NLGN4X: variants seen among roughly 807,000 people sequenced by gnomAD.
NLGN4X encodes the protein neuroligin-4, X-linked.
In NLGN4X, 3 loss-of-function variants were observed where a neutral mutation model predicts 40.3. That is an observed-to-expected ratio of 0.07 (90% CI 0.03 to 0.19). The LOEUF (loss-of-function observed/expected upper bound fraction) is 0.19. NLGN4X is among the 10% of genes least tolerant of loss of function. The pLI is 1.00. For synonymous variants in NLGN4X, 270 were observed against 306.8 expected (o/e 0.88, Z 1.25); for missense variants, 382 against 708.3 (o/e 0.54, Z 5.23).
At chrX:5,972,062 C>T (rs191463040) in intron 3 of NLGN4X, among the ~76,000 whole-genome samples, 4 of 110,812 alleles carry the variant, frequency 3.6e-5, no homozygotes, top group Non-Finnish European at 7.6e-5. Flanking sequence ...GAATATCTAA[C>T]GAAAGGGGAA....
chrX:6,020,778 C>A (rs956331672), intron 3 of NLGN4X, among the ~76,000 whole-genome samples: 1 of 109,885 alleles, frequency 9.1e-6, no homozygotes, highest in African/African-American at 3.3e-5. Flanking sequence ...AAAAAAAATT[C>A]TTTTCTACCT....
chrX:5,976,428 AAT>A (rs753825318), intron 3 of NLGN4X, among the ~76,000 whole-genome samples: 14 of 112,089 alleles, frequency 1.2e-4, no homozygotes, highest in Non-Finnish European at 1.9e-4. Flanking sequence ...ATTCTGTGAA[AAT>A]ATATGTCAGA....
intron 3 of NLGN4X, among the ~76,000 whole-genome samples, chrX:5,991,950 T>C (rs2035696230): frequency 8.9e-6 from 1 of 112,108 alleles, no homozygotes; most frequent in Non-Finnish European, 1.9e-5. Flanking sequence ...ATGGGCTGCC[T>C]CCTGATAGAA....
chrX:6,210,725 G>C (rs1924528202), intron 1 of NLGN4X, among the ~76,000 whole-genome samples: 1 of 112,237 alleles, frequency 8.9e-6, no homozygotes, highest in Non-Finnish European at 1.9e-5. Flanking sequence ...AAAAAGAGCA[G>C]TTTTTTCAAC....
chrX:6,211,666 A>T (rs1924618181), intron 1 of NLGN4X, among the ~76,000 whole-genome samples: 1 of 111,914 alleles, frequency 8.9e-6, no homozygotes, highest in Admixed American at 9.5e-5. Flanking sequence ...AGACTCTAAT[A>T]TTGGTACAGA....
intron 3 of NLGN4X, among the ~76,000 whole-genome samples, chrX:6,008,934 A>T (rs185212057): frequency 8.9e-6 from 1 of 112,200 alleles, no homozygotes; most frequent in Non-Finnish European, 1.9e-5. Context: ...TGGTAAAATC[A>T]TACAGCTTTT....
chrX:6,035,056 T>C (rs937354374), intron 2 of NLGN4X, among the ~76,000 whole-genome samples: 2 of 112,262 alleles, frequency 1.8e-5, no homozygotes, highest in African/African-American at 6.5e-5. Context: ...ACTAATGATA[T>C]TAAATATCTT....
intron 3 of NLGN4X, among the ~76,000 whole-genome samples, chrX:5,986,093 C>G (rs1308434013): frequency 8.9e-6 from 1 of 112,140 alleles, no homozygotes; most frequent in African/African-American, 3.2e-5. Context: ...AATATGTAAA[C>G]TACCACCTGG....
intron 3 of NLGN4X, among the ~76,000 whole-genome samples, chrX:5,978,215 G>A (rs2035235368): frequency 8.9e-6 from 1 of 111,969 alleles, no homozygotes; most frequent in African/African-American, 3.2e-5. Flanking sequence ...TCTAGAGAGT[G>A]GAAATTTTAT....
At chrX:6,181,379 T>C (rs1290792626) in intron 1 of NLGN4X, among the ~76,000 whole-genome samples, 2 of 112,168 alleles carry the variant, frequency 1.8e-5, no homozygotes, top group Non-Finnish European at 3.8e-5. Flanking sequence ...TTAACTACTA[T>C]GATTTTATGG....
At chrX:6,225,701 T>TTTC (rs1926201604) in intron 1 of NLGN4X, among the ~76,000 whole-genome samples, 2 of 59,746 alleles carry the variant, frequency 3.3e-5, no homozygotes. Flanking sequence ...TTTTTTTTTT[T>TTTC]TTTTTTTTTT....
At chrX:6,085,478 T>C in intron 2 of NLGN4X, among the ~76,000 whole-genome samples, 1 of 111,884 alleles carries the variant, frequency 8.9e-6, no homozygotes, top group East Asian at 2.8e-4. Flanking sequence ...GAATTTATAT[T>C]CTTCAGATTT....
At chrX:6,197,134 T>C (rs1321428630) in intron 1 of NLGN4X, among the ~76,000 whole-genome samples, 1 of 112,060 alleles carries the variant, frequency 8.9e-6, no homozygotes, top group African/African-American at 3.2e-5. Flanking sequence ...ATTTCAAAGG[T>C]TAAAGAATAA....
chrX:5,950,710 T>C (rs1056636445), intron 3 of NLGN4X, among the ~76,000 whole-genome samples: 1 of 112,359 alleles, frequency 8.9e-6, no homozygotes, highest in African/African-American at 3.2e-5. Context: ...GTAGCAGTCA[T>C]GGAAGACGTT....
intron 3 of NLGN4X, among the ~76,000 whole-genome samples, chrX:5,999,562 C>A: frequency 8.9e-6 from 1 of 112,158 alleles, no homozygotes; most frequent in African/African-American, 3.2e-5. Context: ...TTCTGGCTCT[C>A]ACAAACTAGA....
intron 3 of NLGN4X, among the ~76,000 whole-genome samples, chrX:5,921,259 C>T (rs1233770566): frequency 9.4e-6 from 1 of 106,715 alleles, no homozygotes; most frequent in African/African-American, 3.4e-5. Context: ...CCAAATTTGA[C>T]AGACAAGGTC....
chrX:6,144,210 T>C (rs372795576), intron 2 of NLGN4X, among the ~76,000 whole-genome samples: 1 of 111,613 alleles, frequency 9.0e-6, no homozygotes, highest in Non-Finnish European at 1.9e-5. Context: ...CTTAGCATGC[T>C]TGAGCAAGGT....
chrX:6,070,742 G>A (rs2038040510), intron 2 of NLGN4X, among the ~76,000 whole-genome samples: 1 of 111,837 alleles, frequency 8.9e-6, no homozygotes. Context: ...GGGGGCCTCA[G>A]GAAACTTACA....
chrX:5,991,019 G>A (rs1440182750), intron 3 of NLGN4X, among the ~76,000 whole-genome samples: 1 of 111,716 alleles, frequency 9.0e-6, no homozygotes, highest in East Asian at 2.8e-4. Context: ...TGCAAGAAAT[G>A]CAACCTTATT....
Sources: gnomAD v4.1 joint callset for allele counts (sites outside exome capture counted in the v4.1 genomes callset) on GRCh38, gnomAD v4.1.1 for gene constraint, MANE v1.5 for transcripts, NCBI Gene and HGNC (gene_info 2026-07-23, HGNC 2026-07-21) for gene names.